SIL1: variants seen among roughly 807,000 people sequenced by gnomAD.
SIL1 encodes SIL1 nucleotide exchange factor, also known as nucleotide exchange factor SIL1.
SIL1 carries 40 observed loss-of-function variants against 49.1 expected under a neutral mutation model. That is an observed-to-expected ratio of 0.81 (90% confidence interval 0.63 to 1.06). The LOEUF (loss-of-function observed/expected upper bound fraction) is 1.06. Among genes scored for constraint, SIL1 ranks in the 50% least tolerant of loss-of-function variants. The pLI, the probability that SIL1 is intolerant of heterozygous loss-of-function variation, is 0.00. For synonymous variants in SIL1, 253 were observed against 250.8 expected (o/e 1.01, Z -0.08); for missense variants, 500 against 572.6 (o/e 0.87, Z 1.29).
intron 1 of SIL1, among the ~76,000 whole-genome samples, chr5:139,164,673 C>CT (rs1751581486): frequency 6.6e-6 from 1 of 152,208 alleles, no homozygotes; most frequent in Admixed American, 6.5e-5. Context: ...GGTATCAGTA[C>CT]ACACTTATTC....
At chr5:139,105,598 G>A (rs1377414080) in intron 3 of SIL1, among the ~76,000 whole-genome samples, 1 of 152,210 alleles carries the variant, frequency 6.6e-6, no homozygotes, top group Non-Finnish European at 1.5e-5. Flanking sequence ...CCCTTAGAAA[G>A]CTCATTTAGG....
At chr5:138,974,344 T>C (rs1767349253) in intron 7 of SIL1, among the ~76,000 whole-genome samples, 1 of 152,170 alleles carries the variant, frequency 6.6e-6, no homozygotes, top group Non-Finnish European at 1.5e-5. Context: ...ACCACCTCTG[T>C]CCTCCCCCTT....
At chr5:139,027,958 T>A (rs773241648) in intron 5 of SIL1, among the ~76,000 whole-genome samples, 1 of 151,920 alleles carries the variant, frequency 6.6e-6, no homozygotes, top group Non-Finnish European at 1.5e-5. Flanking sequence ...AAGACCAAGC[T>A]CCTAGCGGAG....
intron 1 of SIL1, chr5:139,187,631 C>T (rs1164176757): frequency 6.6e-6 from 1 of 150,524 alleles, no homozygotes; most frequent in Admixed American, 6.7e-5. Context: ...TCATCAGGAG[C>T]AAGGGGTACA....
chr5:139,075,804 T>C (rs949704779), intron 3 of SIL1, among the ~76,000 whole-genome samples: 2 of 152,248 alleles, frequency 1.3e-5, no homozygotes, highest in East Asian at 3.8e-4. Context: ...GTGGCTGTCA[T>C]AATGACAGAA....
At chr5:139,114,159 C>G (rs1283073334) in intron 3 of SIL1, among the ~76,000 whole-genome samples, 1 of 152,232 alleles carries the variant, frequency 6.6e-6, no homozygotes, top group Non-Finnish European at 1.5e-5. Context: ...GCTTTGGTGT[C>G]AGAGCAGAAC....
intron 7 of SIL1, among the ~76,000 whole-genome samples, chr5:138,971,919 A>G (rs1192567020): frequency 6.6e-6 from 1 of 152,148 alleles, no homozygotes; most frequent in Non-Finnish European, 1.5e-5. Context: ...CTGGGCTCCA[A>G]CCAACAGGCT....
At chr5:139,101,441 G>A (rs183326941) in intron 3 of SIL1, among the ~76,000 whole-genome samples, 11 of 152,256 alleles carry the variant, frequency 7.2e-5, no homozygotes, top group East Asian at 1.9e-4. Flanking sequence ...GACTACCAAC[G>A]TTGAACTTAA....
intron 7 of SIL1, among the ~76,000 whole-genome samples, chr5:138,994,760 C>T (rs1181758239): frequency 6.6e-6 from 1 of 152,134 alleles, no homozygotes; most frequent in African/African-American, 2.4e-5. Context: ...TACATGTAAA[C>T]ATGTGCCATG....
rs569264193 is a variant in SIL1, at chr5:139,035,774, G to A, written c.453+6846C>T. The A allele has an allele frequency of 2.5e-4, 44 of 178,720 alleles. 1 individual carries two copies. The South Asian group carries it at 4.9e-3, about 20-fold the overall frequency. 11.1% of individuals were successfully genotyped at this position (178,720 alleles called of 1,614,324 possible). Reference sequence around the variant, plus strand: ...CGCCATTCTCCTGCCTCAGCCTCCTGAGTAGCTGGGACTACAGGCGCCAAC... The same window carrying A: ...CGCCATTCTCCTGCCTCAGCCTCCTAAGTAGCTGGGACTACAGGCGCCAAC... On this transcript the variant is annotated intron_variant, in intron 5 of 9. Coordinates refer to ENST00000394817, the MANE Select transcript of SIL1 (RefSeq NM_022464.5).
intron 5 of SIL1, among the ~76,000 whole-genome samples, chr5:139,028,939 C>A (rs986545359): frequency 5.9e-5 from 9 of 152,152 alleles, no homozygotes; most frequent in African/African-American, 2.2e-4. Flanking sequence ...CATCCCTGTG[C>A]CCTGGTTGTC....
chr5:138,976,526 C>T (rs866314822), intron 7 of SIL1, among the ~76,000 whole-genome samples: 2 of 152,004 alleles, frequency 1.3e-5, no homozygotes, highest in African/African-American at 4.8e-5. Flanking sequence ...GTTGGCCAGG[C>T]TGGTCTCAAA....
At chr5:139,137,506 G>A (rs1323626761) in intron 1 of SIL1, 1 of 518,152 alleles carries the variant, frequency 1.9e-6, no homozygotes, top group Non-Finnish European at 3.4e-6. Flanking sequence ...GGCACATTTT[G>A]TGTCAGGACA....
chr5:139,112,502 G>A (rs1279362697), intron 3 of SIL1, among the ~76,000 whole-genome samples: 2 of 150,232 alleles, frequency 1.3e-5, no homozygotes, highest in African/African-American at 2.5e-5. Flanking sequence ...CCGCGACCCC[G>A]TCTGGGAGGT....
intron 3 of SIL1, among the ~76,000 whole-genome samples, chr5:139,067,838 T>C (rs867982896): frequency 6.6e-6 from 1 of 152,244 alleles, no homozygotes; most frequent in Non-Finnish European, 1.5e-5. Flanking sequence ...GCAGATGCTA[T>C]GTCTAGGAAT....
intron 6 of SIL1, 144 bp downstream of exon 6, chr5:139,026,657 A>G: frequency 2.4e-6 from 2 of 822,594 alleles, no homozygotes; most frequent in Non-Finnish European, 4.0e-6. Flanking sequence ...ATCTTACTAC[A>G]AAAGATAACA....
At chr5:139,072,332 G>A (rs1237986305) in intron 3 of SIL1, among the ~76,000 whole-genome samples, 5 of 152,112 alleles carry the variant, frequency 3.3e-5, no homozygotes, top group South Asian at 4.1e-4. Flanking sequence ...CACATCCTGC[G>A]AAATAGAGAT....
At position 138,951,075 on chromosome 5, in the gene SIL1, C is replaced by T. The variant is rs922647960; in HGVS notation, c.1029+96G>A. 2.1e-5 allele frequency: 29 copies of T among 1,389,660 alleles called. No individual in the cohort carries two copies. The East Asian group carries it at 5.7e-4, about 27-fold the overall frequency. 86.1% of individuals were successfully genotyped at this position (1,389,660 alleles called of 1,614,324 possible). On this transcript the variant is annotated intron_variant, in intron 9 of 9. Coordinates refer to ENST00000394817, the MANE Select transcript of SIL1 (RefSeq NM_022464.5). ...CATCCAGAAGCACACACAAAGCAAACAAGTGACGTCCGCAGTCTCTTCCAT... is the reference window on the plus strand; with the variant it reads ...CATCCAGAAGCACACACAAAGCAAATAAGTGACGTCCGCAGTCTCTTCCAT...
chr5:138,957,649 A>C (rs1427020013), intron 7 of SIL1, among the ~76,000 whole-genome samples: 1 of 152,136 alleles, frequency 6.6e-6, no homozygotes, highest in Non-Finnish European at 1.5e-5. Context: ...TCCCATCCAG[A>C]TTCACCAATT....
Sources: gnomAD v4.1 joint callset for allele counts (sites outside exome capture counted in the v4.1 genomes callset) on GRCh38, gnomAD v4.1.1 for gene constraint, MANE v1.5 for transcripts, NCBI Gene and HGNC (gene_info 2026-07-23, HGNC 2026-07-21) for gene names.